Variants in N4BP2 observed in about 807,000 individuals in gnomAD.
The protein encoded by N4BP2 is NEDD4 binding protein 2, also known as NEDD4-binding protein 2.
Under a neutral mutation model 152.8 loss-of-function variants are expected in N4BP2, and 91 were observed. That is an observed-to-expected ratio of 0.60 (90% confidence interval 0.50 to 0.71). The LOEUF is 0.71. N4BP2 is among the 30% of genes least tolerant of loss of function. The probability of loss-of-function intolerance (pLI) is 0.00; values close to 1 mark genes in which losing one functional copy is unlikely to be tolerated. For missense variants in N4BP2, 1,923 were observed against 2,059.1 expected (o/e 0.93, Z 1.28); for synonymous variants, 646 against 705.3 (o/e 0.92, Z 1.33).
At chr4:40,060,750 A>C (rs1307312460) in intron 1 of N4BP2, among the ~76,000 whole-genome samples, 1 of 150,346 alleles carries the variant, frequency 6.7e-6, no homozygotes, top group African/African-American at 2.4e-5. Flanking sequence ...GTATAGGCAC[A>C]TACCGCTGTG....
intron 1 of N4BP2, among the ~76,000 whole-genome samples, chr4:40,062,989 T>C (rs1402583367): frequency 6.6e-6 from 1 of 152,192 alleles, no homozygotes; most frequent in Non-Finnish European, 1.5e-5. Flanking sequence ...GTGATTTGCA[T>C]AGAGTGTATT....
At chr4:40,147,674 G>T (rs1720708986) in intron 16 of N4BP2, among the ~76,000 whole-genome samples, 1 of 150,218 alleles carries the variant, frequency 6.7e-6, no homozygotes, top group African/African-American at 2.5e-5. Flanking sequence ...GGCTGGCCGG[G>T]TGGGGGCTGA....
intron 1 of N4BP2, among the ~76,000 whole-genome samples, chr4:40,066,130 C>T (rs143461937): frequency 0.017 from 2,550 of 151,652 alleles, 89 homozygotes; most frequent in African/African-American, 0.059. Context: ...GGGGTTTCAC[C>T]GTGTTGGCCA....
chr4:40,125,903 AAAAT>A (rs1229835929), intron 11 of N4BP2, among the ~76,000 whole-genome samples: 3 of 150,270 alleles, frequency 2.0e-5, no homozygotes, highest in Admixed American at 6.7e-5. Context: ...AAAAAAAAAA[AAAAT>A]TATACACAGA....
At chr4:40,171,528 T>C in the N4BP2 span, among the ~76,000 whole-genome samples, 2 of 152,266 alleles carry the variant, frequency 1.3e-5, no homozygotes, top group African/African-American at 4.8e-5. Flanking sequence ...CCCCCAAAAT[T>C]CATATGTTGA....
intron 1 of N4BP2, among the ~76,000 whole-genome samples, chr4:40,068,586 T>C (rs556922531): frequency 6.6e-6 from 1 of 152,314 alleles, no homozygotes; most frequent in East Asian, 1.9e-4. Context: ...TTTCCCATTG[T>C]GTGGCCTTGG....
intron 1 of N4BP2, among the ~76,000 whole-genome samples, chr4:40,060,918 G>C (rs1389487189): frequency 6.6e-6 from 1 of 152,112 alleles, no homozygotes; most frequent in Admixed American, 6.6e-5. Flanking sequence ...TTTTCTAAAC[G>C]TGGATTGTAT....
chr4:40,141,896 G>T (rs1720020456), intron 14 of N4BP2, among the ~76,000 whole-genome samples: 1 of 152,196 alleles, frequency 6.6e-6, no homozygotes, highest in African/African-American at 2.4e-5. Context: ...GACCAGCCCG[G>T]CCAACACAGC....
At chr4:40,072,282 T>C (rs1194845511) in intron 1 of N4BP2, among the ~76,000 whole-genome samples, 2 of 147,288 alleles carry the variant, frequency 1.4e-5, no homozygotes, top group African/African-American at 5.0e-5. Flanking sequence ...AGTCTCACTT[T>C]GTCGCCAGGC....
intron 1 of N4BP2, among the ~76,000 whole-genome samples, chr4:40,058,934 C>A (rs899836010): frequency 6.6e-6 from 1 of 152,168 alleles, no homozygotes; most frequent in Non-Finnish European, 1.5e-5. Context: ...CATCCTCCCA[C>A]CTCGTCCCCT....
At chr4:40,124,289 C>T in intron 11 of N4BP2, 84 bp downstream of exon 11, 1 of 909,556 alleles carries the variant, frequency 1.1e-6, no homozygotes, top group Non-Finnish European at 1.7e-6. Context: ...TAAATTACTT[C>T]CACAAAATAC....
chr4:40,133,562 C>T (rs2110017141), intron 13 of N4BP2, among the ~76,000 whole-genome samples: 1 of 152,252 alleles, frequency 6.6e-6, no homozygotes, highest in African/African-American at 2.4e-5. Flanking sequence ...TCTCGAACTC[C>T]TGACCTCAGC....
chr4:40,170,248 T>C, the N4BP2 span, among the ~76,000 whole-genome samples: 1 of 152,160 alleles, frequency 6.6e-6, no homozygotes, highest in Non-Finnish European at 1.5e-5. Flanking sequence ...TCATCCCAAC[T>C]TAAGAGTCCA....
chr4:40,169,671 C>CA, the N4BP2 span, among the ~76,000 whole-genome samples: 18 of 147,114 alleles, frequency 1.2e-4, no homozygotes, highest in South Asian at 2.1e-4. Context: ...AAAAAAAAAA[C>CA]AAAAAAAAGG....
chr4:40,177,514 G>A, the N4BP2 span, among the ~76,000 whole-genome samples: 1 of 152,134 alleles, frequency 6.6e-6, no homozygotes, highest in Non-Finnish European at 1.5e-5. Flanking sequence ...TACTCTGGAG[G>A]CTGAGGCAGG....
the N4BP2 span, among the ~76,000 whole-genome samples, chr4:40,185,662 T>C: frequency 6.6e-6 from 1 of 152,174 alleles, no homozygotes; most frequent in East Asian, 1.9e-4. Context: ...TATGTGGTTT[T>C]TAAAAAAAGC....
intron 2 of N4BP2, among the ~76,000 whole-genome samples, chr4:40,075,880 G>T (rs1712678267): frequency 6.6e-6 from 1 of 152,128 alleles, no homozygotes; most frequent in Non-Finnish European, 1.5e-5. Flanking sequence ...AGGCTGGAGT[G>T]CAGTGCTTTG....
chr4:40,120,603 T>C lies in N4BP2; in HGVS notation c.2492T>C (p.Val831Ala), dbSNP rs764286200. 2.5e-6 allele frequency: 4 copies of C among 1,614,152 alleles called. No homozygotes were observed. The East Asian group carries it at 8.9e-5, about 36-fold the overall frequency. ...YPQSHKLVNSVSVNTDCVQQR... is the reference protein window; with the variant it reads ...YPQSHKLVNSASVNTDCVQQR... ...CAGTCACACAAATTAGTTAACAGTG[T>C]ATCTGTGAATACAGATTGTGTCCAG... Residue 831 changes from valine to alanine, a missense_variant, in exon 9 of 18, where the codon GTA (valine) becomes GCA (alanine). By Grantham distance (64) the Val-to-Ala change is moderately conservative (BLOSUM62 0). Coordinates refer to ENST00000261435, the MANE Select transcript of N4BP2 (RefSeq NM_018177.6).
the N4BP2 span, among the ~76,000 whole-genome samples, chr4:40,179,687 G>T: frequency 2.0e-5 from 3 of 151,224 alleles, no homozygotes; most frequent in African/African-American, 7.3e-5. Flanking sequence ...TTATTGCAAT[G>T]TAATTTTGAA....
Sources: gnomAD v4.1 joint callset for allele counts (sites outside exome capture counted in the v4.1 genomes callset) on GRCh38, gnomAD v4.1.1 for gene constraint, MANE v1.5 for transcripts, NCBI Gene and HGNC (gene_info 2026-07-23, HGNC 2026-07-21) for gene names.